MAP3K7CL: variants seen among roughly 807,000 people sequenced by gnomAD.
MAP3K7CL encodes MAP3K7 C-terminal like.
MAP3K7CL carries 16 observed loss-of-function variants against 18.6 expected under a neutral mutation model. The observed-to-expected ratio is 0.86, with a 90% CI of 0.58 to 1.31. MAP3K7CL has a LOEUF of 1.31. Ranked by LOEUF, MAP3K7CL falls within the 50% of genes most tolerant of loss-of-function variation. MAP3K7CL has a pLI of 0.00. For missense variants in MAP3K7CL, 163 were observed against 174.4 expected (o/e 0.93, Z 0.37); for synonymous variants, 65 against 66.8 (o/e 0.97, Z 0.13).
upstream of MAP3K7CL, chr21:29,128,293 A>G (rs902509617): frequency 6.6e-6 from 1 of 150,714 alleles, no homozygotes; most frequent in Non-Finnish European, 1.5e-5. Context: ...TATTCTAAAA[A>G]ATTTCAATTA....
At chr21:29,129,390 CCA>C (rs140989406), upstream of MAP3K7CL, among the ~76,000 whole-genome samples, 658 of 152,328 alleles carry the variant, frequency 4.3e-3, 2 homozygotes, top group African/African-American at 0.015. Flanking sequence ...TTTACAGTAT[CCA>C]CAGTTTTACC....
At position 29,091,102 on chromosome 21, in the gene MAP3K7CL, T is replaced by A. The variant is rs2086018808; in HGVS notation, c.58-399T>A. Among the ~76,000 whole-genome samples, 3 of 152,336 alleles carry A rather than the reference T, an allele frequency of 2.0e-5. No homozygotes were observed. The South Asian group carries it at 6.2e-4, about 32-fold the overall frequency. ...CACCTCTCCTCTTGAACTGGTCACA[T>A]TTTAAGCTGTGAATAGCCACATGGT... On this transcript the variant is annotated intron_variant, in intron 1 of 6. Transcript: ENST00000286791.
Position 29,161,386 on chromosome 21 carries a change from G to A in MAP3K7CL, c.248+1330G>A, listed in dbSNP as rs570370194. 3.7e-4 allele frequency among the ~76,000 whole-genome samples: 56 copies of A among 152,172 alleles called. 1 individual carries two copies. In the South Asian group the frequency reaches 0.011, roughly 30 times the overall value. On this transcript the variant is annotated intron_variant, in intron 4 of 4. Transcript: ENST00000399928. ...GCTTGTCTCAAACTTCTGACCTCAA[G>A]CAATCCTCCAACCTTGGCCTCCCAA...
At chr21:29,119,329 T>C (rs1193394740) in intron 4 of MAP3K7CL, among the ~76,000 whole-genome samples, 3 of 152,262 alleles carry the variant, frequency 2.0e-5, no homozygotes, top group Admixed American at 1.3e-4. Context: ...TTTTATTCCA[T>C]GTACTCATCA....
chr21:29,126,144 G>C (rs931289002), upstream of MAP3K7CL, among the ~76,000 whole-genome samples: 2 of 152,204 alleles, frequency 1.3e-5, no homozygotes, highest in Non-Finnish European at 2.9e-5. Context: ...CGGCACTGTG[G>C]GGGGAGCTGT....
At chr21:29,119,123 A>G (rs2086551392) in intron 4 of MAP3K7CL, among the ~76,000 whole-genome samples, 2 of 152,174 alleles carry the variant, frequency 1.3e-5, no homozygotes, top group African/African-American at 4.8e-5. Context: ...CCACACACAA[A>G]TACCCTTTCT....
At chr21:29,111,865 A>C (rs1568941891) in intron 4 of MAP3K7CL, among the ~76,000 whole-genome samples, 1 of 152,130 alleles carries the variant, frequency 6.6e-6, no homozygotes, top group Non-Finnish European at 1.5e-5. Flanking sequence ...TTGATTCTTC[A>C]CCTTTCCCAT....
At chr21:29,133,808 T>A (rs2086826880) in intron 2 of MAP3K7CL, among the ~76,000 whole-genome samples, 2 of 152,188 alleles carry the variant, frequency 1.3e-5, no homozygotes, top group Non-Finnish European at 2.9e-5. Flanking sequence ...TACAGCAACA[T>A]TTGCTGAAGC....
At chr21:29,116,266 A>T (rs1456081041) in intron 4 of MAP3K7CL, among the ~76,000 whole-genome samples, 1 of 152,242 alleles carries the variant, frequency 6.6e-6, no homozygotes, top group African/African-American at 2.4e-5. Flanking sequence ...AGTCACATGA[A>T]TTTAGAAGAG....
At chr21:29,112,235 T>G (rs1419504112) in intron 4 of MAP3K7CL, among the ~76,000 whole-genome samples, 2 of 152,046 alleles carry the variant, frequency 1.3e-5, no homozygotes, top group Non-Finnish European at 2.9e-5. Context: ...GAGGCAGAGG[T>G]TGCAGTGAGC....
chr21:29,084,291 A>G (rs1261326848), upstream of MAP3K7CL, among the ~76,000 whole-genome samples: 3 of 152,238 alleles, frequency 2.0e-5, no homozygotes, highest in Admixed American at 6.5e-5. Context: ...ATTACTATAT[A>G]TAGATTCTAT....
intron 4 of MAP3K7CL, among the ~76,000 whole-genome samples, chr21:29,162,280 A>G (rs1048054049): frequency 1.8e-4 from 27 of 150,600 alleles, no homozygotes; most frequent in Non-Finnish European, 3.2e-4. Flanking sequence ...GTACTGGAGG[A>G]CTTTGTTATT....
intron 4 of MAP3K7CL, among the ~76,000 whole-genome samples, chr21:29,110,390 T>C (rs1005903219): frequency 2.6e-5 from 4 of 152,116 alleles, no homozygotes; most frequent in African/African-American, 9.7e-5. Flanking sequence ...TGCTCCGTTT[T>C]TTATCTCTGT....
chr21:29,091,354 T>C (rs2146500073), intron 1 of MAP3K7CL: 1 of 528,214 alleles, frequency 1.9e-6, no homozygotes, highest in Admixed American at 3.7e-5. Context: ...TTTTAAAAAA[T>C]AGAATGTTTT....
intron 3 of MAP3K7CL, among the ~76,000 whole-genome samples, chr21:29,154,048 G>A (rs2087341680): frequency 1.3e-5 from 2 of 152,102 alleles, no homozygotes; most frequent in South Asian, 4.1e-4. Flanking sequence ...GCCTGGATTT[G>A]GATCTCAGCT....
chr21:29,121,774 C>T (rs573339843), intron 4 of MAP3K7CL, among the ~76,000 whole-genome samples: 83 of 151,364 alleles, frequency 5.5e-4, no homozygotes, highest in African/African-American at 1.8e-3. Flanking sequence ...GGCTACATCT[C>T]GTAGGCCTTC....
Position 29,091,512 on chromosome 21 carries a change from G to A in MAP3K7CL, c.69G>A (p.Leu23=), listed in dbSNP as rs529000847. ...TTTTTTCAATACAGCCCCTTGCTCT[G>A]TCACGCAGGCTGGAATGCAGTGGTG... The change falls in exon 2 of 7, where the codon CTG becomes CTA. Residue 23 remains leucine (L), a synonymous_variant. Transcript: ENST00000286791. 2.3e-4 allele frequency: 159 copies of A among 697,770 alleles called. No homozygotes were observed. The African/African-American group carries it at 2.5e-3, about 11-fold the overall frequency. The allele number at this position is 697,770 out of a possible 1,614,324, so 43.2% of individuals were successfully genotyped here. A position where few individuals can be genotyped will look rare whatever the true frequency, so the allele number is the denominator to read the frequency against.
intron 4 of MAP3K7CL, 111 bp from the exon 5 acceptor site, chr21:29,174,601 A>C: frequency 7.3e-7 from 1 of 1,367,406 alleles, no homozygotes; most frequent in African/African-American, 1.4e-5. Context: ...ATGGGAAAAA[A>C]TTCAGAACAG....
chr21:29,154,867 T>G (rs1284871318), intron 3 of MAP3K7CL, among the ~76,000 whole-genome samples: 1 of 152,226 alleles, frequency 6.6e-6, no homozygotes, highest in Non-Finnish European at 1.5e-5. Context: ...ACTTTGGAGC[T>G]TTTCAATAAT....
Sources: gnomAD v4.1 joint callset for allele counts (sites outside exome capture counted in the v4.1 genomes callset) on GRCh38, gnomAD v4.1.1 for gene constraint, MANE v1.5 for transcripts, NCBI Gene and HGNC (gene_info 2026-07-23, HGNC 2026-07-21) for gene names.